Variants in PDE9A observed in about 807,000 individuals in gnomAD.
The protein encoded by PDE9A is high affinity cGMP-specific 3',5'-cyclic phosphodiesterase 9A.
PDE9A carries 60 observed loss-of-function variants against 87.4 expected under a neutral mutation model. That is an observed-to-expected ratio of 0.69 (90% confidence interval 0.56 to 0.85). The LOEUF (loss-of-function observed/expected upper bound fraction) is 0.85, where lower values mean the gene tolerates loss of function less well. Ranked by LOEUF, PDE9A falls within the 40% of genes least tolerant of loss-of-function variation. PDE9A has a pLI of 0.00. For synonymous variants in PDE9A, 272 were observed against 279.4 expected (o/e 0.97, Z 0.27); for missense variants, 665 against 779.0 (o/e 0.85, Z 1.74).
chr21:42,774,790 G>A (rs1279157084), intron 19 of PDE9A, among the ~76,000 whole-genome samples: 3 of 149,514 alleles, frequency 2.0e-5, no homozygotes, highest in African/African-American at 7.4e-5. Flanking sequence ...CCAGAGGCAG[G>A]AGAATTGCTT....
chr21:42,702,533 A>G lies in PDE9A; in HGVS notation c.262+3522A>G, dbSNP rs940126119. On this transcript the variant is annotated intron_variant, in intron 4 of 19. Coordinates refer to ENST00000291539, the MANE Select transcript of PDE9A (RefSeq NM_002606.3). This position sits in a 1 kb window ranked among gnomAD's most constrained non-coding sequence, Gnocchi z 4.9. ...TCGTGAATCTAGTAGATCTTGATGG[A>G]ATGCTGATCACAGGAATGCACGCTG... Among the ~76,000 whole-genome samples, 1 of 152,090 alleles carries G rather than the reference A, an allele frequency of 6.6e-6. No individual in the cohort carries two copies. The highest frequency in any genetic ancestry group is 2.4e-5 in the African/African-American group (1 of 41,420).
At chr21:42,673,346 G>A (rs57267018) in intron 1 of PDE9A, among the ~76,000 whole-genome samples, 2,921 of 152,274 alleles carry the variant, frequency 0.019, 96 homozygotes, top group African/African-American at 0.06. Flanking sequence ...CACGGACCCA[G>A]CCAAGCCCAG....
intron 1 of PDE9A, among the ~76,000 whole-genome samples, chr21:42,663,957 G>T (rs1426949259): frequency 1.3e-5 from 2 of 152,196 alleles, no homozygotes; most frequent in Non-Finnish European, 2.9e-5. Context: ...CCTTGCTGGG[G>T]TCTGGAGTTT....
chr21:42,760,411 G>C lies in PDE9A; in HGVS notation c.981G>C (p.Met327Ile), dbSNP rs760466741. 2 of 1,604,010 alleles carry C rather than the reference G, an allele frequency of 1.2e-6. No homozygotes were observed. The highest frequency in any genetic ancestry group is 3.3e-5 in the Admixed American group (2 of 59,930). ...GCGTGGCCCAGATGATGTACAGCAT[G>C]GTCTGGCTCTGCAGTCTCCAGGTGG... ...CFCVAQMMYS[M>I]VWLCSLQEKF... The change falls in exon 12 of 20, where the codon ATG becomes ATC. Residue 327 changes from methionine (M) to isoleucine (I), a missense_variant. Physicochemically the swap from Met to Ile is conservative, Grantham distance 10 (BLOSUM62 1). Coordinates refer to ENST00000291539, the MANE Select transcript of PDE9A (RefSeq NM_002606.3). This position sits in a 1 kb window ranked among gnomAD's most constrained non-coding sequence, Gnocchi z 5.2.
At chr21:42,717,854 T>C (rs909075737) in intron 4 of PDE9A, among the ~76,000 whole-genome samples, 2 of 151,950 alleles carry the variant, frequency 1.3e-5, no homozygotes, top group East Asian at 1.9e-4. Flanking sequence ...TTGATCATTA[T>C]TCCTCTGTAT....
At chr21:42,715,162 TGTAA>T (rs2094072484) in intron 4 of PDE9A, among the ~76,000 whole-genome samples, 1 of 151,944 alleles carries the variant, frequency 6.6e-6, no homozygotes, top group East Asian at 1.9e-4. Context: ...CCTCGGCTGT[TGTAA>T]GTGTTACAAT....
chr21:42,740,761 A>ATAGAT (rs1474049471), intron 7 of PDE9A, among the ~76,000 whole-genome samples: 22 of 144,662 alleles, frequency 1.5e-4, no homozygotes, highest in African/African-American at 5.6e-4. Flanking sequence ...AACAGGATAG[A>ATAGAT]TAGATAGATA....
chr21:42,759,163 A>G lies in PDE9A; in HGVS notation c.897+78A>G. The G allele has an allele frequency of 1.9e-6, 2 of 1,042,106 alleles. No homozygotes were observed. The highest frequency in any genetic ancestry group is 3.0e-6 in the Non-Finnish European group (2 of 670,454). The allele number at this position is 1,042,106 out of a possible 1,614,324, so 64.6% of individuals were successfully genotyped here. ...TCCACAGGAATGGAGGGAATGGATC[A>G]CCAGGGCACCTTCCGGATGGCACTG... On this transcript the variant is annotated intron_variant, in intron 11 of 19. Coordinates refer to ENST00000291539, the MANE Select transcript of PDE9A (RefSeq NM_002606.3). The surrounding 1 kb of genome is among the most constrained non-coding windows in gnomAD (Gnocchi z 7.2).
intron 1 of PDE9A, among the ~76,000 whole-genome samples, chr21:42,678,602 C>T (rs1181907040): frequency 6.6e-6 from 1 of 152,188 alleles, no homozygotes; most frequent in Non-Finnish European, 1.5e-5. Flanking sequence ...TGGAATCAGC[C>T]TTTCTTTAAA....
chr21:42,702,777 T>C lies in PDE9A; in HGVS notation c.262+3766T>C, dbSNP rs1175519946. Among the ~76,000 whole-genome samples the C allele has an allele frequency of 6.6e-6, 1 of 152,232 alleles. No homozygotes were observed. Among genetic ancestry groups the C allele is most frequent in the African/African-American group, 2.4e-5 (1 of 41,462 alleles). On this transcript the variant is annotated intron_variant, in intron 4 of 19. Transcript: ENST00000291539. This position sits in a 1 kb window ranked among gnomAD's most constrained non-coding sequence, Gnocchi z 4.9. ...CTCCTGGCTGATCACCAAATTCCAC[T>C]CTGGCTGTTTAGAGTGCAAATGTTT...
rs941159739 is a variant in PDE9A, at chr21:42,702,952, C to G, written c.262+3941C>G. On this transcript the variant is annotated intron_variant, in intron 4 of 19. Transcript: ENST00000291539. This position sits in a 1 kb window ranked among gnomAD's most constrained non-coding sequence, Gnocchi z 4.9. ...TTAAATCTTGCTCAGGGCGCTGGGT[C>G]GAGATCACGAAAGGGAAGTGGCAGC... Among the ~76,000 whole-genome samples, 10 of 152,066 alleles carry G rather than the reference C, an allele frequency of 6.6e-5. No individual in the cohort carries two copies. The highest frequency in any genetic ancestry group is 3.3e-4 in the Admixed American group (5 of 15,272).
chr21:42,742,906 T>C (rs1368752051), intron 7 of PDE9A, among the ~76,000 whole-genome samples: 1 of 152,158 alleles, frequency 6.6e-6, no homozygotes, highest in Non-Finnish European at 1.5e-5. Context: ...AGGAGCAATT[T>C]AGGGAGGGTC....
chr21:42,712,613 G>C (rs541080071), intron 4 of PDE9A, among the ~76,000 whole-genome samples: 1 of 152,138 alleles, frequency 6.6e-6, no homozygotes, highest in Non-Finnish European at 1.5e-5. Flanking sequence ...AGATGCCTTC[G>C]GTCTCTCACC....
At chr21:42,658,669 C>T (rs1028026419) in intron 1 of PDE9A, among the ~76,000 whole-genome samples, 4 of 152,210 alleles carry the variant, frequency 2.6e-5, no homozygotes, top group South Asian at 2.1e-4. Context: ...CCAGGTTTCT[C>T]GGCTCCAGCA....
At chr21:42,731,973 A>G in intron 5 of PDE9A, 24 bp downstream of exon 5, 2 of 1,612,268 alleles carry the variant, frequency 1.2e-6, no homozygotes, top group South Asian at 1.1e-5. Flanking sequence ...CCTCGGCCAC[A>G]GCCTCCACCC....
intron 7 of PDE9A, chr21:42,733,998 TA>T (rs2052109012): frequency 6.6e-6 from 1 of 152,370 alleles, no homozygotes; most frequent in Non-Finnish European, 1.5e-5. Context: ...TCTGGTTGTT[TA>T]AAAGCACGTG....
chr21:42,705,269 C>G lies in PDE9A; in HGVS notation c.262+6258C>G, dbSNP rs1431718309. ...AATAGCAACTACAAAAACCACGACA[C>G]AGGCTTCTCAGCATCTTTTTATAAC... On this transcript the variant is annotated intron_variant, in intron 4 of 19. Transcript: ENST00000291539. The surrounding 1 kb of genome is among the most constrained non-coding windows in gnomAD (Gnocchi z 4.3). 6.6e-6 allele frequency among the ~76,000 whole-genome samples: 1 copy of G among 152,260 alleles called. No individual in the cohort carries two copies. The highest frequency in any genetic ancestry group is 2.4e-5 in the African/African-American group (1 of 41,470).
At chr21:42,754,234 T>G (rs1427231822) in intron 10 of PDE9A, among the ~76,000 whole-genome samples, 170 bp downstream of exon 10, 1 of 151,250 alleles carries the variant, frequency 6.6e-6, no homozygotes, top group East Asian at 1.9e-4. Context: ...TGAAACTAAC[T>G]AACACTTTAT....
chr21:42,725,565 C>G (rs1436982672), intron 4 of PDE9A, among the ~76,000 whole-genome samples: 5 of 152,090 alleles, frequency 3.3e-5, no homozygotes, highest in Non-Finnish European at 7.4e-5. Context: ...ATGATGTTGT[C>G]AATTCTGTAA....
Sources: allele counts gnomAD v4.1 joint callset (sites outside exome capture counted in the v4.1 genomes callset), GRCh38; gene constraint gnomAD v4.1.1; non-coding constraint Gnocchi (gnomAD v3.1); transcripts MANE v1.5; gene names NCBI Gene and HGNC (gene_info 2026-07-23, HGNC 2026-07-21).